Variants in POTEE observed in about 807,000 individuals in gnomAD.
POTEE encodes POTE ankyrin domain family member E.
POTEE carries 21 observed loss-of-function variants against 74.2 expected under a neutral mutation model. The ratio of observed to expected loss-of-function variants is 0.28; its 90% confidence interval spans 0.20 to 0.41. The LOEUF (loss-of-function observed/expected upper bound fraction) is 0.41, where lower values mean the gene tolerates loss of function less well. Among genes scored for constraint, POTEE ranks in the 10% least tolerant of loss-of-function variants. The pLI, the probability that POTEE is intolerant of heterozygous loss-of-function variation, is 1.00. For synonymous variants in POTEE, 211 were observed against 432.8 expected (o/e 0.49, Z 6.36); for missense variants, 525 against 1,158.6 (o/e 0.45, Z 7.94).
intron 4 of POTEE, among the ~76,000 whole-genome samples, chr2:131,219,559 C>G (rs1282130858): frequency 6.6e-6 from 1 of 152,012 alleles, no homozygotes; most frequent in Non-Finnish European, 1.5e-5. Context: ...ACGGTGAAAC[C>G]CCGTCTCTAC....
intron 6 of POTEE, among the ~76,000 whole-genome samples, chr2:131,225,779 G>C (rs1317706769): frequency 6.6e-6 from 1 of 150,496 alleles, no homozygotes; most frequent in Non-Finnish European, 1.5e-5. Context: ...ACCCACCTCA[G>C]CCTCCCCAAA....
At chr2:131,232,655 T>C (rs1701000615) in intron 9 of POTEE, among the ~76,000 whole-genome samples, 1 of 149,950 alleles carries the variant, frequency 6.7e-6, no homozygotes, top group Non-Finnish European at 1.5e-5. Context: ...TAGAATGCTT[T>C]GGACTGCAAA....
chr2:131,256,839 A>G (rs1462583363), intron 16 of POTEE, among the ~76,000 whole-genome samples: 2 of 152,266 alleles, frequency 1.3e-5, no homozygotes, highest in Non-Finnish European at 2.9e-5. Context: ...ACTAACAGAA[A>G]GGAATTAGGA....
intron 8 of POTEE, among the ~76,000 whole-genome samples, chr2:131,228,888 T>G (rs3990536): frequency 3.7e-5 from 5 of 136,972 alleles, no homozygotes; most frequent in Admixed American, 1.4e-4. Context: ...TCCGTTGATT[T>G]TGTTGCTGCT....
At position 131,230,853 on chromosome 2, in the gene POTEE, C is replaced by A; in HGVS notation, c.1073C>A (p.Ser358Tyr). The A allele has an allele frequency of 7.3e-7, 1 of 1,364,598 alleles. No homozygotes were observed. The highest frequency in any genetic ancestry group is 2.5e-5 in the East Asian group (1 of 40,386). The allele number at this position is 1,364,598 out of a possible 1,614,324, so 84.5% of individuals were successfully genotyped here. ...SHHHVICQLL[S>Y]DYKEKQMLKI... ...ATACATAGAATTTGCCAGTTACTTT[C>A]TGACTACAAAGAAAAACAGATGCTA... Residue 358 changes from serine (S) to tyrosine (Y), a missense_variant, in exon 9 of 18, where the codon TCT (serine) becomes TAT (tyrosine). Transcript: ENST00000683005.
intron 1 of POTEE, among the ~76,000 whole-genome samples, chr2:131,210,187 C>G (rs60889355): frequency 0.027 from 3,608 of 131,908 alleles, 100 homozygotes; most frequent in African/African-American, 0.099. Context: ...GCTGCACTGC[C>G]CTTACTCAGG....
At chr2:131,210,343 G>T (rs1420451857) in intron 1 of POTEE, among the ~76,000 whole-genome samples, 3 of 135,476 alleles carry the variant, frequency 2.2e-5, no homozygotes, top group Admixed American at 7.7e-5. Context: ...TTGGGGGGGG[G>T]TATTGGGGTT....
chr2:131,211,583 C>A (rs190457991), intron 2 of POTEE, among the ~76,000 whole-genome samples: 1 of 102,664 alleles, frequency 9.7e-6, no homozygotes, highest in East Asian at 3.1e-4. Flanking sequence ...GACAGAGTCT[C>A]GCTCTTTTGC....
At chr2:131,225,345 T>A (rs1194227832) in intron 6 of POTEE, among the ~76,000 whole-genome samples, 876 of 146,610 alleles carry the variant, frequency 6.0e-3, no homozygotes, top group African/African-American at 0.023. Flanking sequence ...GGAGTTCGAG[T>A]CTAGCCTGGT....
chr2:131,218,985 G>T lies in POTEE; in HGVS notation c.521+62G>T, dbSNP rs1700531703. On this transcript the variant is annotated intron_variant, in intron 4 of 17. Coordinates refer to ENST00000683005, the MANE Select transcript of POTEE (RefSeq NM_001083538.3). ...GGGGATGATGGGGACATACCCTCCT[G>T]GCGGGGGAGGAGGGGGACCTGGCTT... The T allele has an allele frequency of 2.5e-6, 4 of 1,598,288 alleles. No individual in the cohort carries two copies. In the East Asian group the frequency reaches 8.9e-5, roughly 36 times the overall value.
rs371236967 is a variant in POTEE at position 131,218,610 on chromosome 2, C to A, written c.208C>A (p.Pro70Thr). 1.2e-6 allele frequency: 2 copies of A among 1,611,762 alleles called. No homozygotes were observed. The highest frequency in any genetic ancestry group is 2.2e-5 in the South Asian group (2 of 90,950). Residue 70 changes from proline (P) to threonine (T), a missense_variant, in exon 4 of 18, where the codon CCC becomes ACC. By Grantham distance (38) the Pro-to-Thr change is conservative. Transcript: ENST00000683005. ...GGGCAAGTGGTGCCACCACTGCTTC[C>A]CCTGCTGCAGGGGGAGTGGCAAGAG... The part of the protein sequence containing the change: ...KMGKWCHHCF[P>T]CCRGSGKSNV...
chr2:131,214,949 A>G (rs1700420268), intron 2 of POTEE, among the ~76,000 whole-genome samples: 1 of 149,804 alleles, frequency 6.7e-6, no homozygotes, highest in Admixed American at 6.6e-5. Context: ...CCTGGTATGC[A>G]ATTAAAACTT....
intron 2 of POTEE, among the ~76,000 whole-genome samples, chr2:131,217,178 GTTTGAT>G (rs1187112512): frequency 2.0e-4 from 27 of 137,250 alleles, no homozygotes; most frequent in African/African-American, 7.2e-4. Flanking sequence ...AAAAGGTGGT[GTTTGAT>G]TATATGAGTA....
At chr2:131,212,273 CATGAGGGAGTTA>C (rs1347628159) in intron 2 of POTEE, among the ~76,000 whole-genome samples, 2 of 151,766 alleles carry the variant, frequency 1.3e-5, no homozygotes, top group African/African-American at 4.8e-5. Flanking sequence ...GAATGGTAAG[CATGAGGGAGTTA>C]ATTACATCCT....
intron 6 of POTEE, among the ~76,000 whole-genome samples, chr2:131,226,175 C>T (rs1355162121): frequency 1.3e-5 from 2 of 150,770 alleles, no homozygotes; most frequent in Non-Finnish European, 2.9e-5. Context: ...ATCAGCATGG[C>T]AGTTTTAAAC....
At chr2:131,262,740 T>G (rs1454144805) in intron 17 of POTEE, among the ~76,000 whole-genome samples, 1 of 152,266 alleles carries the variant, frequency 6.6e-6, no homozygotes, top group African/African-American at 2.4e-5. Context: ...AATGCCTAGA[T>G]ACAGATGTGT....
chr2:131,238,156 A>C, intron 10 of POTEE, 38 bp from the exon 11 acceptor site: 1 of 1,601,514 alleles, frequency 6.2e-7, no homozygotes, highest in Non-Finnish European at 8.5e-7. Flanking sequence ...TCACAGAAAC[A>C]CAACAAGCAA....
At chr2:131,257,314 T>A (rs749670476) in intron 16 of POTEE, among the ~76,000 whole-genome samples, 2,160 of 6,204 alleles carry the variant, frequency 0.35, no homozygotes, top group Admixed American at 0.4. Context: ...AGGTATTAAA[T>A]GAATGAATGG....
intron 16 of POTEE, among the ~76,000 whole-genome samples, chr2:131,258,452 A>G (rs1701620384): frequency 8.6e-6 from 1 of 116,370 alleles, no homozygotes; most frequent in Non-Finnish European, 1.8e-5. Context: ...CATAATCTCC[A>G]GTAGGAGATT....
Sources: allele counts gnomAD v4.1 joint callset (sites outside exome capture counted in the v4.1 genomes callset), GRCh38; gene constraint gnomAD v4.1.1; transcripts MANE v1.5; gene names NCBI Gene and HGNC (gene_info 2026-07-23, HGNC 2026-07-21).